ABLIM1: variants seen among roughly 807,000 people sequenced by gnomAD.
The protein encoded by ABLIM1 is actin-binding LIM protein 1.
In ABLIM1, 40 loss-of-function variants were observed where a neutral mutation model predicts 107.0. The ratio of observed to expected loss-of-function variants is 0.37; its 90% CI spans 0.29 to 0.49. The LOEUF (loss-of-function observed/expected upper bound fraction) is 0.49, where lower values mean the gene tolerates loss of function less well. Ranked by LOEUF, ABLIM1 falls within the 20% of genes least tolerant of loss-of-function variation. The probability of loss-of-function intolerance (pLI) is 0.97; values close to 1 mark genes in which losing one functional copy is unlikely to be tolerated. For missense variants in ABLIM1, 857 were observed against 1,008.5 expected (o/e 0.85, Z 2.04); for synonymous variants, 357 against 357.3 (o/e 1.00, Z 0.01).
intron 4 of ABLIM1, among the ~76,000 whole-genome samples, chr10:114,554,866 A>C (rs998822955): frequency 9.2e-5 from 14 of 152,202 alleles, no homozygotes; most frequent in Non-Finnish European, 1.3e-4. Context: ...GCTGAAGAGC[A>C]CTGGAGTCAA....
At chr10:114,709,625 T>C (rs1429188080) in intron 1 of ABLIM1, among the ~76,000 whole-genome samples, 1 of 152,158 alleles carries the variant, frequency 6.6e-6, no homozygotes, top group Non-Finnish European at 1.5e-5. Flanking sequence ...TAAACTACGC[T>C]AGAGGAAAGG....
At chr10:114,632,085 G>C (rs567200379) in intron 1 of ABLIM1, 2 of 985,002 alleles carry the variant, frequency 2.0e-6, no homozygotes, top group Admixed American at 6.2e-5. Flanking sequence ...GCCCCGCCTC[G>C]GCGGGCCCCG....
At chr10:114,634,172 G>A (rs1411239067) in intron 1 of ABLIM1, among the ~76,000 whole-genome samples, 1 of 98,434 alleles carries the variant, frequency 1.0e-5, no homozygotes, top group Non-Finnish European at 1.8e-5. Context: ...TTGCTCTGTC[G>A]CCCAGGCTGG....
chr10:114,534,437 G>A (rs1236066690), intron 6 of ABLIM1, among the ~76,000 whole-genome samples: 1 of 146,060 alleles, frequency 6.8e-6, no homozygotes, highest in East Asian at 2.1e-4. Context: ...TTTCTCAACT[G>A]CCATATGCCC....
At chr10:114,769,447 GAAAGAA>G (rs2082989997), upstream of ABLIM1, among the ~76,000 whole-genome samples, 1 of 38,514 alleles carries the variant, frequency 2.6e-5, no homozygotes, top group African/African-American at 7.8e-5. Context: ...AAGAAAGAAA[GAAAGAA>G]AGAAAGAAAG....
chr10:114,491,700 T>C lies in ABLIM1; in HGVS notation c.982+91A>G, dbSNP rs537600435. 34 of 1,265,908 alleles carry C rather than the reference T, an allele frequency of 2.7e-5. No homozygotes were observed. In the Admixed American group the frequency reaches 3.0e-4, roughly 11 times the overall value. 78.4% of individuals were successfully genotyped at this position (1,265,908 alleles called of 1,614,324 possible). A position where few individuals can be genotyped will look rare whatever the true frequency, so the allele number is the denominator to read the frequency against. On this transcript the variant is annotated intron_variant, in intron 7 of 22. Transcript: ENST00000533213. Reference sequence around the variant, plus strand: ...TTGGGTAGCCTCACAGCTAATAACATGCCTCCTTCTCTAAAAACAATCAAA... The same window carrying C: ...TTGGGTAGCCTCACAGCTAATAACACGCCTCCTTCTCTAAAAACAATCAAA...
chr10:114,565,712 A>G (rs887476406), intron 4 of ABLIM1, among the ~76,000 whole-genome samples: 1 of 152,146 alleles, frequency 6.6e-6, no homozygotes, highest in African/African-American at 2.4e-5. Flanking sequence ...ACTGGACTAA[A>G]TAGAAAAGTA....
At chr10:114,728,592 C>CAAAAAAAAAAAAAAAAAAAAAAAA (rs11405856) in intron 1 of ABLIM1, among the ~76,000 whole-genome samples, 1 of 125,434 alleles carries the variant, frequency 8.0e-6, no homozygotes, top group Non-Finnish European at 1.6e-5. Flanking sequence ...AATGGAGAGC[C>CAAAAAAAAAAAAAAAAAAAAAAAA]AAAAAAAAAA....
the ABLIM1 span, among the ~76,000 whole-genome samples, chr10:114,787,899 T>C: frequency 1.3e-3 from 191 of 145,404 alleles, 6 homozygotes; most frequent in East Asian, 0.037. Flanking sequence ...GGGGGAAAGG[T>C]GGGGAAAAGA....
chr10:114,597,262 C>T (rs750276216), intron 2 of ABLIM1, among the ~76,000 whole-genome samples: 7 of 152,104 alleles, frequency 4.6e-5, no homozygotes, highest in Admixed American at 1.3e-4. Flanking sequence ...AAAGTAAAGA[C>T]GCTAAGGAAA....
intron 4 of ABLIM1, among the ~76,000 whole-genome samples, chr10:114,560,581 G>T (rs762517742): frequency 2.0e-5 from 3 of 152,168 alleles, no homozygotes; most frequent in Non-Finnish European, 4.4e-5. Context: ...GGAGTAATAG[G>T]CTATGCCATA....
At chr10:114,446,153 T>G (rs2060993598) in intron 15 of ABLIM1, among the ~76,000 whole-genome samples, 1 of 152,246 alleles carries the variant, frequency 6.6e-6, no homozygotes, top group Admixed American at 6.5e-5. Flanking sequence ...TGACATGCGT[T>G]TAAACCTTGT....
At chr10:114,562,789 A>C (rs1420768238) in intron 4 of ABLIM1, among the ~76,000 whole-genome samples, 1 of 152,066 alleles carries the variant, frequency 6.6e-6, no homozygotes, top group Non-Finnish European at 1.5e-5. Context: ...GTATCAATTC[A>C]CTCACTAAAT....
intron 1 of ABLIM1, among the ~76,000 whole-genome samples, chr10:114,654,746 GTCT>G (rs2079417711): frequency 6.6e-5 from 10 of 152,316 alleles, no homozygotes; most frequent in Admixed American, 2.0e-4. Context: ...CAGCAGTGCT[GTCT>G]GGATGGGGAA....
chr10:114,602,874 C>T (rs1460454117), intron 1 of ABLIM1, among the ~76,000 whole-genome samples: 1 of 152,146 alleles, frequency 6.6e-6, no homozygotes, highest in Admixed American at 6.6e-5. Flanking sequence ...TCAGCCTGCC[C>T]TTTACAAAGG....
At chr10:114,625,055 G>A (rs1248571397) in intron 1 of ABLIM1, among the ~76,000 whole-genome samples, 1 of 152,136 alleles carries the variant, frequency 6.6e-6, no homozygotes, top group Non-Finnish European at 1.5e-5. Context: ...GCCTTGTAGT[G>A]TCTCCTTTAA....
chr10:114,743,075 T>C (rs1187992971), intron 1 of ABLIM1, among the ~76,000 whole-genome samples: 1 of 152,228 alleles, frequency 6.6e-6, no homozygotes, highest in Admixed American at 6.5e-5. Context: ...CTACTACTAA[T>C]AAGTAGTATA....
the ABLIM1 span, among the ~76,000 whole-genome samples, chr10:114,794,051 G>A: frequency 6.6e-6 from 1 of 152,152 alleles, no homozygotes; most frequent in Non-Finnish European, 1.5e-5. Context: ...ATGCAGTCTG[G>A]CCGCTGCTTC....
chr10:114,436,161 A>T lies in ABLIM1; in HGVS notation c.*99T>A, dbSNP rs535526854. 2.2e-6 allele frequency: 2 copies of T among 896,814 alleles called. No individual in the cohort carries two copies. Among genetic ancestry groups the T allele is most frequent in the South Asian group, 1.6e-5 (1 of 60,766 alleles). The allele number at this position is 896,814 out of a possible 1,614,324, so 55.6% of individuals were successfully genotyped here. On this transcript the variant is annotated 3_prime_UTR_variant, in exon 23 of 23. Coordinates refer to ENST00000533213, the MANE Select transcript of ABLIM1 (RefSeq NM_002313.7). The stretch of plus-strand genomic sequence containing the variant: ...CTTTTTGGTGTTGCTGAGCGACGGT[A>T]GTTTGCAAATTCTCCAATCAAGTTT...
Sources: allele counts gnomAD v4.1 joint callset (sites outside exome capture counted in the v4.1 genomes callset), GRCh38; gene constraint gnomAD v4.1.1; transcripts MANE v1.5; gene names NCBI Gene and HGNC (gene_info 2026-07-23, HGNC 2026-07-21).